MACROH2A1: variants seen among roughly 807,000 people sequenced by gnomAD.
MACROH2A1 encodes the protein core histone macro-H2A.1.
In MACROH2A1, 2 loss-of-function variants were observed where a neutral mutation model predicts 31.6. That is an observed-to-expected ratio of 0.06 (90% CI 0.03 to 0.20). The LOEUF (loss-of-function observed/expected upper bound fraction) is 0.20, where lower values mean the gene tolerates loss of function less well. Among genes scored for constraint, MACROH2A1 ranks in the 10% least tolerant of loss-of-function variants. MACROH2A1 has a pLI of 1.00. For synonymous variants in MACROH2A1, 169 were observed against 189.6 expected, an observed-to-expected ratio of 0.89 and a Z score of 0.89; for missense variants, 230 against 474.0, an observed-to-expected ratio of 0.49 and a Z score of 4.78.
At chr5:135,374,972 AC>A (rs1764663251) in intron 2 of MACROH2A1, among the ~76,000 whole-genome samples, 1 of 152,226 alleles carries the variant, frequency 6.6e-6, no homozygotes, top group Non-Finnish European at 1.5e-5. Flanking sequence ...AAGTTTTGTT[AC>A]CAATGACCAA....
chr5:135,355,730 C>G (rs1762102096), intron 5 of MACROH2A1: 1 of 180,470 alleles, frequency 5.5e-6, no homozygotes, highest in African/African-American at 2.4e-5. Context: ...CTCCACTATA[C>G]AGAAGAAAGC....
intron 5 of MACROH2A1, chr5:135,358,164 A>C (rs1762405539): frequency 1.0e-6 from 1 of 985,092 alleles, no homozygotes; most frequent in Admixed American, 6.1e-5. Flanking sequence ...ACTATATGCC[A>C]TGATTTTCAC....
intron 7 of MACROH2A1, chr5:135,343,689 A>C: frequency 1.9e-6 from 1 of 520,480 alleles, no homozygotes; most frequent in Non-Finnish European, 3.4e-6. Context: ...GCCTCTCTCC[A>C]CTCTCAGAAA....
rs547753440 is a variant in MACROH2A1 at position 135,385,388 on chromosome 5, T to C, written c.172+3534A>G. ...ATCACCACAGCTTTTCTCTTGCCTA[T>C]ACCTGTTTCTGGACAGGAAGCCCTT... On this transcript the variant is annotated intron_variant, in intron 2 of 8. Transcript: ENST00000511689. Among the ~76,000 whole-genome samples, 4 of 152,306 alleles carry C rather than the reference T, an allele frequency of 2.6e-5. No individual in the cohort carries two copies. The East Asian group carries it at 7.7e-4, about 29-fold the overall frequency.
At chr5:135,365,148 T>C (rs1763338275) in intron 4 of MACROH2A1, among the ~76,000 whole-genome samples, 1 of 152,214 alleles carries the variant, frequency 6.6e-6, no homozygotes, top group African/African-American at 2.4e-5. Flanking sequence ...TAGGCATAGT[T>C]TCCTTTGAAT....
rs371906583 is a variant in MACROH2A1, at chr5:135,334,976, C to T, written c.1119G>A (p.Ter373=). The part of the protein sequence containing the change: ...VQEMAKLDAN[*] Reference sequence around the variant, plus strand: ...GCAGCTGGTTCTGTCATTGCTCAGCCTAGTTGGCGTCCAGCTTGGCCATTT... The same window carrying T: ...GCAGCTGGTTCTGTCATTGCTCAGCTTAGTTGGCGTCCAGCTTGGCCATTT... Residue 373 remains the stop codon, a stop_retained_variant, in exon 9 of 9, where the codon TAG becomes TAA. Coordinates refer to ENST00000511689, the MANE Select transcript of MACROH2A1 (RefSeq NM_138610.3). 9 of 1,613,312 alleles carry T rather than the reference C, an allele frequency of 5.6e-6. No individual in the cohort carries two copies. Among genetic ancestry groups the T allele is most frequent in the African/African-American group, 1.3e-5 (1 of 74,878 alleles).
intron 8 of MACROH2A1, among the ~76,000 whole-genome samples, chr5:135,341,843 G>A (rs1008392659): frequency 3.3e-5 from 5 of 152,244 alleles, no homozygotes; most frequent in South Asian, 2.1e-4. Context: ...GCTCAGGCTC[G>A]CCCAGAAGGG....
intron 2 of MACROH2A1, among the ~76,000 whole-genome samples, chr5:135,382,258 T>C (rs1275854186): frequency 6.6e-6 from 1 of 152,230 alleles, no homozygotes; most frequent in Non-Finnish European, 1.5e-5. Context: ...ACCCTCCACG[T>C]GGAACTTGTC....
intron 8 of MACROH2A1, among the ~76,000 whole-genome samples, chr5:135,340,583 G>A (rs1208994851): frequency 1.3e-5 from 2 of 152,234 alleles, no homozygotes; most frequent in African/African-American, 4.8e-5. Flanking sequence ...GCTGGAGGGA[G>A]CCATCACACA....
At position 135,370,083 on chromosome 5, in the gene MACROH2A1, G is replaced by A; in HGVS notation, c.232C>T (p.Pro78Ser). The change falls in exon 3 of 9, where the codon CCC becomes TCC. Residue 78 changes from proline to serine, a missense_variant. By Grantham distance (74) the Pro-to-Ser change is moderately conservative. Transcript: ENST00000511689. ...ARDNKKGRVT[P>S]RHILLAVAND... ...GCCACAGCCAGCAGGATGTGCCGGG[G>A]TGTGACCCGTCCCTTCTTGTTGTCT... 1.9e-6 allele frequency: 3 copies of A among 1,613,780 alleles called. No individual in the cohort carries two copies. The highest frequency in any genetic ancestry group is 2.5e-6 in the Non-Finnish European group (3 of 1,179,838).
intron 2 of MACROH2A1, among the ~76,000 whole-genome samples, chr5:135,377,385 C>T (rs1294109287): frequency 1.3e-5 from 2 of 152,228 alleles, no homozygotes; most frequent in African/African-American, 4.8e-5. Context: ...TAATTCATCT[C>T]AGGAAGGGGT....
chr5:135,359,121 G>A, intron 5 of MACROH2A1: 1 of 985,374 alleles, frequency 1.0e-6, no homozygotes, highest in Non-Finnish European at 1.2e-6. Flanking sequence ...GAGGAATTCT[G>A]ATCTGAGGCT....
Position 135,342,285 on chromosome 5 carries a change from G to C in MACROH2A1, c.953+975C>G, listed in dbSNP as rs3776214. 4.6e-5 allele frequency among the ~76,000 whole-genome samples: 7 copies of C among 152,282 alleles called. No individual in the cohort carries two copies. In the East Asian group the frequency reaches 1.2e-3, roughly 25 times the overall value. Reference sequence around the variant, plus strand: ...CTTCTAAGAGCTCCTTTAATTTCTAGAGCAACCCTGAGATACTGCATGGGG... The same window carrying C: ...CTTCTAAGAGCTCCTTTAATTTCTACAGCAACCCTGAGATACTGCATGGGG... On this transcript the variant is annotated intron_variant, in intron 8 of 8. Transcript: ENST00000511689.
intron 5 of MACROH2A1, chr5:135,355,320 C>T: frequency 4.4e-6 from 2 of 452,954 alleles, no homozygotes; most frequent in South Asian, 3.1e-5. Context: ...GGCATCCCCA[C>T]TCTTGGAAGT....
chr5:135,396,538 C>T (rs1375035395), intron 1 of MACROH2A1, among the ~76,000 whole-genome samples: 2 of 152,126 alleles, frequency 1.3e-5, no homozygotes, highest in African/African-American at 2.4e-5. Flanking sequence ...TTCTAAGATG[C>T]ACACATGGGG....
intron 2 of MACROH2A1, among the ~76,000 whole-genome samples, chr5:135,370,744 A>C (rs1478642124): frequency 3.3e-5 from 5 of 152,172 alleles, no homozygotes; most frequent in Admixed American, 2.0e-4. Context: ...AAAGGTGAAA[A>C]AGATGTAAAA....
intron 5 of MACROH2A1, chr5:135,358,189 C>A (rs934988139): frequency 5.1e-6 from 5 of 985,152 alleles, no homozygotes; most frequent in Non-Finnish European, 3.6e-6. Context: ...CAGTAATAGC[C>A]AATAAAAAGC....
intron 8 of MACROH2A1, 89 bp from the exon 9 acceptor site, chr5:135,335,230 T>C: frequency 2.1e-6 from 2 of 962,316 alleles, no homozygotes; most frequent in South Asian, 3.0e-5. Context: ...CCCTCTGTGC[T>C]GCAGCTTGCC....
At chr5:135,379,204 C>T (rs1052001517) in intron 2 of MACROH2A1, among the ~76,000 whole-genome samples, 2 of 152,154 alleles carry the variant, frequency 1.3e-5, no homozygotes, top group Non-Finnish European at 2.9e-5. Flanking sequence ...CCAGAGTGTC[C>T]CCTGTAGGCA....
Sources: gnomAD v4.1 joint callset for allele counts (sites outside exome capture counted in the v4.1 genomes callset) on GRCh38, gnomAD v4.1.1 for gene constraint, MANE v1.5 for transcripts, NCBI Gene and HGNC (gene_info 2026-07-23, HGNC 2026-07-21) for gene names.